SAV1: variants seen among roughly 807,000 people sequenced by gnomAD.
SAV1 encodes protein salvador homolog 1.
A neutral mutation model predicts 47.3 loss-of-function variants in SAV1; 23 were observed. The ratio of observed to expected loss-of-function variants is 0.49; its 90% CI spans 0.35 to 0.69. SAV1 has a LOEUF of 0.69. Ranked by LOEUF, SAV1 falls within the 30% of genes least tolerant of loss-of-function variation. The pLI is 0.01. For synonymous variants in SAV1, 155 were observed against 159.2 expected, an observed-to-expected ratio of 0.97 and a Z score of 0.20; for missense variants, 448 against 457.4, an observed-to-expected ratio of 0.98 and a Z score of 0.19.
chr14:50,661,045 TA>T (rs1412753505), intron 2 of SAV1, among the ~76,000 whole-genome samples: 1 of 152,258 alleles, frequency 6.6e-6, no homozygotes, highest in Non-Finnish European at 1.5e-5. Flanking sequence ...CTGTTTTTCA[TA>T]GTGCCTGTCC....
Position 50,648,015 on chromosome 14 carries a change from A to G in SAV1, c.536-3001T>C, listed in dbSNP as rs536933720. Among the ~76,000 whole-genome samples, 66 of 152,364 alleles carry G rather than the reference A, an allele frequency of 4.3e-4. No individual in the cohort carries two copies. The South Asian group carries it at 0.014, about 32-fold the overall frequency. On this transcript the variant is annotated intron_variant, in intron 2 of 4. Coordinates refer to ENST00000324679, the MANE Select transcript of SAV1 (RefSeq NM_021818.4). ...GTGGATATTTACAATGACTGTATTC[A>G]TATTTGCCCCAAAGTGGAAATGACA...
At chr14:50,650,977 G>T (rs145279394) in intron 2 of SAV1, among the ~76,000 whole-genome samples, 2 of 151,706 alleles carry the variant, frequency 1.3e-5, no homozygotes, top group Admixed American at 6.6e-5. Flanking sequence ...AGCCGAGAGC[G>T]CGCCACTGCA....
intron 2 of SAV1, among the ~76,000 whole-genome samples, chr14:50,651,075 G>A (rs550040944): frequency 6.7e-6 from 1 of 149,932 alleles, no homozygotes; most frequent in South Asian, 2.1e-4. Context: ...GCGAAGCTTC[G>A]GATAACTGCA....
At chr14:50,647,750 G>A (rs1271636859) in intron 2 of SAV1, among the ~76,000 whole-genome samples, 3 of 152,040 alleles carry the variant, frequency 2.0e-5, no homozygotes, top group Non-Finnish European at 4.4e-5. Flanking sequence ...GACAATACAC[G>A]TCTATGAAAA....
At position 50,643,930 on chromosome 14, in the gene SAV1, G is replaced by C. The variant is rs561244295; in HGVS notation, c.806+814C>G. Among the ~76,000 whole-genome samples, 10 of 152,316 alleles carry C rather than the reference G, an allele frequency of 6.6e-5. No individual in the cohort carries two copies. In the East Asian group the frequency reaches 1.9e-3, roughly 29 times the overall value. Reference sequence around the variant, plus strand: ...ATAACCAAAAAACTGTATTATGCCAGATGACACTAAGCAACATTTATCAAA... The same window carrying C: ...ATAACCAAAAAACTGTATTATGCCACATGACACTAAGCAACATTTATCAAA... On this transcript the variant is annotated intron_variant, in intron 3 of 4. Coordinates refer to ENST00000324679, the MANE Select transcript of SAV1 (RefSeq NM_021818.4).
At chr14:50,649,601 C>A (rs1474640431) in intron 2 of SAV1, among the ~76,000 whole-genome samples, 2 of 152,128 alleles carry the variant, frequency 1.3e-5, no homozygotes, top group Non-Finnish European at 2.9e-5. Context: ...AATCTGTTAG[C>A]CACTAGGCAG....
Position 50,635,165 on chromosome 14 carries a change from A to C in SAV1, c.*18T>G. 1 of 1,606,910 alleles carries C rather than the reference A, an allele frequency of 6.2e-7. No homozygotes were observed. Among genetic ancestry groups the C allele is most frequent in the Non-Finnish European group, 8.5e-7 (1 of 1,175,112 alleles). ...TATTTTAAAGCTCTTACAAAACTTA[A>C]ATTTTTAAAAAATCAGCTCAAAAAT... On this transcript the variant is annotated 3_prime_UTR_variant, in exon 5 of 5. Transcript: ENST00000324679.
intron 1 of SAV1, among the ~76,000 whole-genome samples, chr14:50,666,577 A>T (rs2039902891): frequency 6.6e-6 from 1 of 152,210 alleles, no homozygotes; most frequent in Non-Finnish European, 1.5e-5. Context: ...GTAGATCAAA[A>T]GTTATTTGCT....
At chr14:50,653,162 C>T (rs2140257638) in intron 2 of SAV1, among the ~76,000 whole-genome samples, 1 of 152,190 alleles carries the variant, frequency 6.6e-6, no homozygotes, top group South Asian at 2.1e-4. Flanking sequence ...AGACTAAAGA[C>T]ATACAACAAT....
intron 1 of SAV1, among the ~76,000 whole-genome samples, chr14:50,666,853 G>T (rs2140268125): frequency 6.6e-6 from 1 of 151,718 alleles, no homozygotes; most frequent in Admixed American, 6.5e-5. Context: ...ATATTTTGTT[G>T]AAAGTATTGC....
chr14:50,665,133 A>G, intron 2 of SAV1, 46 bp downstream of exon 2: 2 of 1,459,148 alleles, frequency 1.4e-6, no homozygotes, highest in African/African-American at 1.4e-5. Flanking sequence ...TTTAATTGAC[A>G]TGTCAATAAA....
At chr14:50,645,158 C>T in intron 2 of SAV1, 144 bp from the exon 3 acceptor site, 2 of 708,256 alleles carry the variant, frequency 2.8e-6, no homozygotes, top group Non-Finnish European at 4.5e-6. Context: ...TGATGGTTTT[C>T]ATAAAACTAG....
Position 50,665,464 on chromosome 14 carries a change from C to G in SAV1, c.250G>C (p.Glu84Gln), listed in dbSNP as rs1310736859. The G allele has an allele frequency of 1.2e-6, 2 of 1,613,768 alleles. No homozygotes were observed. Among genetic ancestry groups the G allele is most frequent in the Non-Finnish European group, 1.7e-6 (2 of 1,179,896 alleles). Residue 84 changes from glutamate to glutamine, a missense_variant, in exon 2 of 5, where the codon GAA becomes CAA. Physicochemically the swap from Glu to Gln is conservative, Grantham distance 29. Transcript: ENST00000324679. ...LRTPIQRTPHEIMRRESNRLS... is the reference protein window; with the variant it reads ...LRTPIQRTPHQIMRRESNRLS... ...CTGTTGCTTTCTCTTCTCATTATTT[C>G]ATGAGGTGTTCTTTGAATTGGAGTT...
chr14:50,637,420 A>T (rs1478963513), intron 4 of SAV1, among the ~76,000 whole-genome samples: 1 of 152,196 alleles, frequency 6.6e-6, no homozygotes, highest in East Asian at 1.9e-4. Flanking sequence ...AAAAAATCTT[A>T]ATCTCCCAGA....
At chr14:50,651,411 G>C (rs2039768764) in intron 2 of SAV1, among the ~76,000 whole-genome samples, 1 of 152,104 alleles carries the variant, frequency 6.6e-6, no homozygotes, top group Non-Finnish European at 1.5e-5. Flanking sequence ...GAGGACAGGG[G>C]TAGAATTAAT....
At chr14:50,655,941 A>G (rs1394405880) in intron 2 of SAV1, among the ~76,000 whole-genome samples, 2 of 152,168 alleles carry the variant, frequency 1.3e-5, no homozygotes, top group African/African-American at 4.8e-5. Flanking sequence ...GCTACTAGAG[A>G]GGATGAGGCA....
chr14:50,645,512 G>C (rs1268377852), intron 2 of SAV1, among the ~76,000 whole-genome samples: 4 of 151,888 alleles, frequency 2.6e-5, no homozygotes, highest in Admixed American at 2.6e-4. Context: ...TGAATTTCAT[G>C]TTCAGATTTG....
At chr14:50,648,734 C>A (rs1163332568) in intron 2 of SAV1, among the ~76,000 whole-genome samples, 3 of 151,756 alleles carry the variant, frequency 2.0e-5, no homozygotes, top group Admixed American at 6.6e-5. Context: ...GCCGAGATTG[C>A]GCCACTGCAC....
Position 50,644,892 on chromosome 14 carries a change from G to C in SAV1, c.658C>G (p.His220Asp), listed in dbSNP as rs894055942. ...TMRGRKYYID[H>D]NTNTTHWSHP... ...CTCCAGTGAGTTGTATTTGTGTTAT[G>C]ATCTATATAATATTTTCTCCCTCTC... The change falls in exon 3 of 5, where the codon CAT becomes GAT. Residue 220 changes from histidine to aspartate, a missense_variant. Coordinates refer to ENST00000324679, the MANE Select transcript of SAV1 (RefSeq NM_021818.4). The C allele has an allele frequency of 1.2e-6, 2 of 1,613,962 alleles. No individual in the cohort carries two copies. Among genetic ancestry groups the C allele is most frequent in the Non-Finnish European group, 8.5e-7 (1 of 1,180,008 alleles).
Sources: allele counts gnomAD v4.1 joint callset (sites outside exome capture counted in the v4.1 genomes callset), GRCh38; gene constraint gnomAD v4.1.1; transcripts MANE v1.5; gene names NCBI Gene and HGNC (gene_info 2026-07-23, HGNC 2026-07-21).